The following PLD4 variants were observed in gnomAD, a reference collection of about 807,000 sequenced individuals.
PLD4 encodes the protein phospholipase D family member 4, also known as 5'-3' exonuclease PLD4.
A neutral mutation model predicts 52.3 loss-of-function variants in PLD4; 54 were observed. That is an observed-to-expected ratio of 1.03 (90% confidence interval 0.83 to 1.30). The LOEUF is 1.30. PLD4 is among the 50% of genes most tolerant of loss of function. The pLI is 0.00. For synonymous variants in PLD4, 264 were observed against 286.5 expected (o/e 0.92, Z 0.79); for missense variants, 731 against 671.1 (o/e 1.09, Z -0.99).
chr14:104,936,038 T>C (rs1207225639), downstream of PLD4: 4 of 152,224 alleles, frequency 2.6e-5, no homozygotes, highest in African/African-American at 7.2e-5. Context: ...AGTGATGTTC[T>C]TATGCAGCAT....
Position 104,932,224 on chromosome 14 carries a change from C to T in PLD4, c.1225-35C>T, listed in dbSNP as rs767957768. The T allele has an allele frequency of 1.8e-5, 29 of 1,612,338 alleles. No individual in the cohort carries two copies. Among genetic ancestry groups the T allele is most frequent in the Middle Eastern group, 3.3e-4 (2 of 6,080 alleles). ...GGCGTGGGAAAGGCGGCCCTCCTGCCGCCCTTCCTGACGCGCTGCCTCTGC... is the reference window on the plus strand; with the variant it reads ...GGCGTGGGAAAGGCGGCCCTCCTGCTGCCCTTCCTGACGCGCTGCCTCTGC... On this transcript the variant is annotated intron_variant, in intron 9 of 10. Transcript: ENST00000392593. This position sits in a 1 kb window ranked among gnomAD's most constrained non-coding sequence, Gnocchi z 6.5.
rs1376895477 is a variant in PLD4 at position 104,927,691 on chromosome 14, C to T, written c.109C>T (p.Leu37=). 1.3e-6 allele frequency: 2 copies of T among 1,597,494 alleles called. No individual in the cohort carries two copies. The highest frequency in any genetic ancestry group is 1.7e-6 in the Non-Finnish European group (2 of 1,175,438). Residue 37 remains leucine, a synonymous_variant, in exon 3 of 11, where the codon CTG becomes TTG. Transcript: ENST00000392593. ...EAGTLQVLGA[L]AVLWLGSVAL... Reference sequence around the variant, plus strand: ...CATCCAGTTGCAGGTCCTGGGAGCGCTGGCTGTGCTGTGGCTGGGCTCCGT... The same window carrying T: ...CATCCAGTTGCAGGTCCTGGGAGCGTTGGCTGTGCTGTGGCTGGGCTCCGT...
Position 104,932,365 on chromosome 14 carries a change from A to T in PLD4, c.1321+10A>T. ...AAGGCAGCCTACATAGGTGAGCGCG[A>T]TCAGATCACGGCGGGCGGGCCCCAG... On this transcript the variant is annotated intron_variant, in intron 10 of 10. Coordinates refer to ENST00000392593, the MANE Select transcript of PLD4 (RefSeq NM_138790.5). The surrounding 1 kb of genome is among the most constrained non-coding windows in gnomAD (Gnocchi z 6.5). The T allele has an allele frequency of 6.2e-7, 1 of 1,611,962 alleles. No homozygotes were observed. Among genetic ancestry groups the T allele is most frequent in the Non-Finnish European group, 8.5e-7 (1 of 1,179,362 alleles).
At position 104,932,415 on chromosome 14, in the gene PLD4, G is replaced by A; in HGVS notation, c.1321+60G>A. On this transcript the variant is annotated intron_variant, in intron 10 of 10. Transcript: ENST00000392593. The surrounding 1 kb of genome is among the most constrained non-coding windows in gnomAD (Gnocchi z 6.5). ...GGGTGGCCAGGCACGGGCGAGGGAG[G>A]CACTGGCTTTGTGACCGGCGTGGAC... 1.3e-6 allele frequency: 2 copies of A among 1,553,030 alleles called. No homozygotes were observed. Among genetic ancestry groups the A allele is most frequent in the South Asian group, 1.1e-5 (1 of 89,410 alleles).
At chr14:104,927,381 TC>T in intron 2 of PLD4, 151 bp downstream of exon 2, 1 of 751,846 alleles carries the variant, frequency 1.3e-6, no homozygotes, top group Non-Finnish European at 2.1e-6. Flanking sequence ...CCTGGGCTGC[TC>T]CAGACCTTCC....
downstream of PLD4, chr14:104,937,264 ACTTT>A (rs1422299269): frequency 6.6e-6 from 1 of 152,250 alleles, no homozygotes; most frequent in Non-Finnish European, 1.5e-5. Flanking sequence ...GGGATGCAGC[ACTTT>A]CTTTATTGCC....
Position 104,932,451 on chromosome 14 carries a change from G to C in PLD4, c.1321+96G>C. The stretch of plus-strand genomic sequence containing the variant: ...GTGACCGGCGTGGACACCTCAGGAG[G>C]GAGGGGCTGCTGCTGAAGGGGGACG... On this transcript the variant is annotated intron_variant, in intron 10 of 10. Coordinates refer to ENST00000392593, the MANE Select transcript of PLD4 (RefSeq NM_138790.5). The surrounding 1 kb of genome is among the most constrained non-coding windows in gnomAD (Gnocchi z 6.5). The C allele has an allele frequency of 7.6e-7, 1 of 1,319,216 alleles. No homozygotes were observed. Among genetic ancestry groups the C allele is most frequent in the South Asian group, 1.3e-5 (1 of 79,236 alleles). The allele number at this position is 1,319,216 out of a possible 1,614,324, so 81.7% of individuals were successfully genotyped here.
chr14:104,929,024 G>A (rs554194883), intron 4 of PLD4, 92 bp downstream of exon 4: 273 of 1,441,592 alleles, frequency 1.9e-4, no homozygotes, highest in Middle Eastern at 1.1e-3. Flanking sequence ...CACCAGGCCC[G>A]GGGGCTCAGC....
chr14:104,931,321 G>A (rs1312968139), intron 7 of PLD4, among the ~76,000 whole-genome samples: 1 of 152,124 alleles, frequency 6.6e-6, no homozygotes, highest in Non-Finnish European at 1.5e-5. Context: ...GGAAGGAAGG[G>A]AAGAGTGAGG....
intron 5 of PLD4, 56 bp from the exon 6 acceptor site, chr14:104,929,922 A>G: frequency 1.3e-6 from 2 of 1,597,980 alleles, no homozygotes; most frequent in East Asian, 2.2e-5. Flanking sequence ...CAGGCTCACC[A>G]TGAAGCTAGC....
rs1220460800 is a variant in PLD4 at position 104,930,562 on chromosome 14, C to T, written c.718-180C>T. The T allele has an allele frequency of 8.0e-5, 51 of 637,172 alleles. No homozygotes were observed. In the South Asian group the frequency reaches 8.8e-4, roughly 11 times the overall value. 39.5% of individuals were successfully genotyped at this position (637,172 alleles called of 1,614,324 possible). On this transcript the variant is annotated intron_variant, in intron 6 of 10. Transcript: ENST00000392593. Reference sequence around the variant, plus strand: ...TACAATGTTCAAAAACACAGGCACCCGCTGGGCACTCCTCCCACCAGCACA... The same window carrying T: ...TACAATGTTCAAAAACACAGGCACCTGCTGGGCACTCCTCCCACCAGCACA...
downstream of PLD4, chr14:104,935,645 A>G (rs888322244): frequency 6.6e-6 from 1 of 152,260 alleles, no homozygotes; most frequent in African/African-American, 2.4e-5. Flanking sequence ...CCTTGTGATC[A>G]TGTGACATAA....
intron 8 of PLD4, 49 bp downstream of exon 8, chr14:104,931,936 C>A: frequency 6.6e-7 from 1 of 1,522,378 alleles, no homozygotes. Context: ...CGGGCAGCTC[C>A]TGGGCACGTC....
In PLD4 at chr14:104,932,732, G is replaced by A. The variant is rs1406571394; in HGVS notation, c.1322-33G>A. The stretch of plus-strand genomic sequence containing the variant: ...GGCTGCAGAGGGGCCTGTGGGAGCC[G>A]GCGCCCCAGTGTCTCCTCCATCCTC... On this transcript the variant is annotated intron_variant, in intron 10 of 10. Transcript: ENST00000392593. The surrounding 1 kb of genome is among the most constrained non-coding windows in gnomAD (Gnocchi z 6.5). The A allele has an allele frequency of 8.7e-6, 13 of 1,487,536 alleles. No homozygotes were observed. The highest frequency in any genetic ancestry group is 1.4e-5 in the African/African-American group (1 of 71,382). 92.1% of individuals were successfully genotyped at this position (1,487,536 alleles called of 1,614,324 possible). A position where few individuals can be genotyped will look rare whatever the true frequency, so the allele number is the denominator to read the frequency against.
At chr14:104,929,017 C>T in intron 4 of PLD4, 85 bp downstream of exon 4, 1 of 1,467,868 alleles carries the variant, frequency 6.8e-7, no homozygotes, top group Non-Finnish European at 9.2e-7. Context: ...TCTCGGGCAC[C>T]AGGCCCGGGG....
At chr14:104,929,006 G>A (rs921515057) in intron 4 of PLD4, 74 bp downstream of exon 4, 39 of 1,504,090 alleles carry the variant, frequency 2.6e-5, no homozygotes, top group South Asian at 1.0e-4. Context: ...CTATGCAGGC[G>A]TCTCGGGCAC....
chr14:104,930,484 G>A lies in PLD4; in HGVS notation c.718-258G>A, dbSNP rs1295343112. On this transcript the variant is annotated intron_variant, in intron 6 of 10. Coordinates refer to ENST00000392593, the MANE Select transcript of PLD4 (RefSeq NM_138790.5). ...AGAATGATCCCATTCTTAATGGCTT[G>A]ATGCATTTTCTATTGTTTTTGTAAT... 6.8e-6 allele frequency: 4 copies of A among 584,198 alleles called. No individual in the cohort carries two copies. The African/African-American group carries it at 7.5e-5, about 11-fold the overall frequency. The allele number at this position is 584,198 out of a possible 1,614,324, so 36.2% of individuals were successfully genotyped here.
chr14:104,934,029 G>GGACGGGGAGGGCGGGAGGC (rs1897753377), downstream of PLD4: 1 of 24,640 alleles, frequency 4.1e-5, no homozygotes, highest in Admixed American at 2.8e-4. Context: ...GGGCGGGAGG[G>GGACGGGGAGGGCGGGAGGC]GACCCGCGGC....
Position 104,932,838 on chromosome 14 carries a change from C to A in PLD4, c.1395C>A (p.Gly465=). Residue 465 remains glycine (G), a synonymous_variant, in exon 11 of 11, where the codon GGC becomes GGA. Coordinates refer to ENST00000392593, the MANE Select transcript of PLD4 (RefSeq NM_138790.5). This position sits in a 1 kb window ranked among gnomAD's most constrained non-coding sequence, Gnocchi z 6.5. The stretch of plus-strand genomic sequence containing the variant: ...GCTTGGTGGTCACCCAGAGCCCTGG[C>A]GCGCAGCCCGCGGGGGCCACGGTGC... The part of the protein sequence containing the change: ...GVGLVVTQSP[G]AQPAGATVQE... 2.5e-6 allele frequency: 4 copies of A among 1,604,490 alleles called. No individual in the cohort carries two copies. The highest frequency in any genetic ancestry group is 3.4e-6 in the Non-Finnish European group (4 of 1,176,104).
Sources: gnomAD v4.1 joint callset for allele counts (sites outside exome capture counted in the v4.1 genomes callset) on GRCh38, gnomAD v4.1.1 for gene constraint, Gnocchi (gnomAD v3.1) non-coding constraint, MANE v1.5 for transcripts, NCBI Gene and HGNC (gene_info 2026-07-23, HGNC 2026-07-21) for gene names.